OBSL1: variants seen among roughly 807,000 people sequenced by gnomAD.
The protein encoded by OBSL1 is obscurin like cytoskeletal adaptor 1.
A neutral mutation model predicts 172.0 loss-of-function variants in OBSL1; 160 were observed. That is an observed-to-expected ratio of 0.93 (90% CI 0.82 to 1.06). The LOEUF (loss-of-function observed/expected upper bound fraction) is 1.06. Ranked by LOEUF, OBSL1 falls within the 50% of genes least tolerant of loss-of-function variation. OBSL1 has a pLI of 0.00. For missense variants in OBSL1, 2,681 were observed against 2,715.4 expected, an observed-to-expected ratio of 0.99 and a Z score of 0.28; for synonymous variants, 1,200 against 1,196.3, an observed-to-expected ratio of 1.00 and a Z score of -0.06.
At position 219,566,859 on chromosome 2, in the gene OBSL1, A is replaced by G. The variant is rs1696930182; in HGVS notation, c.2105T>C (p.Val702Ala). 6.3e-7 allele frequency: 1 copy of G among 1,596,112 alleles called. No individual in the cohort carries two copies. The highest frequency in any genetic ancestry group is 1.3e-5 in the African/African-American group (1 of 74,570). ...GALVGFSCPGVQDSAALTIQE... is the reference protein window; with the variant it reads ...GALVGFSCPGAQDSAALTIQE... ...GATTGTGAGGGCAGCTGAGTCCTGCACGCCGGGGCAGCTGAAGCCGACCAG... is the reference window on the plus strand; with the variant it reads ...GATTGTGAGGGCAGCTGAGTCCTGCGCGCCGGGGCAGCTGAAGCCGACCAG... Residue 702 changes from valine to alanine, a missense_variant, in exon 5 of 21, where the codon GTG becomes GCG. Val to Ala is a moderately conservative substitution (Grantham distance 64). Around this residue, in one of 5 missense-constraint regions of OBSL1, gnomAD observed 1,765 missense variants for 1,748.3 expected, o/e 1.01. Transcript: ENST00000404537.
At position 219,560,752 on chromosome 2, in the gene OBSL1, A is replaced by C. The variant is rs534964581; in HGVS notation, c.2954-1255T>G. 2.6e-5 allele frequency among the ~76,000 whole-genome samples: 4 copies of C among 152,290 alleles called. No homozygotes were observed. In the South Asian group the frequency reaches 8.3e-4, roughly 32 times the overall value. ...CTCCCCCATGGGCTTGCTTGCTCTA[A>C]GGGTCTGGGGGATGCAGGCTGGTCC... On this transcript the variant is annotated intron_variant, in intron 8 of 20. Coordinates refer to ENST00000404537, the MANE Select transcript of OBSL1 (RefSeq NM_015311.3).
intron 8 of OBSL1, chr2:219,561,708 A>G (rs1260799071): frequency 6.7e-5 from 41 of 615,118 alleles, no homozygotes; most frequent in Non-Finnish European, 1.2e-4. Flanking sequence ...AGTACTTATC[A>G]CCAGGTGTCA....
rs4674411 is a variant in OBSL1, at chr2:219,556,964, A to T, written c.4067-241T>A. On this transcript the variant is annotated intron_variant, in intron 12 of 20. Coordinates refer to ENST00000404537, the MANE Select transcript of OBSL1 (RefSeq NM_015311.3). The stretch of plus-strand genomic sequence containing the variant: ...CCTTGGTGGCACCCTAATAATATCA[A>T]TTACCAGGGACCCTATTTACAGCAT... 0.99 allele frequency: 518,196 copies of T among 521,780 alleles called. 257,400 individuals carry two copies. Among genetic ancestry groups the T allele is most frequent in the East Asian group, 1 (33,808 of 33,808 alleles). 32.3% of individuals were successfully genotyped at this position (521,780 alleles called of 1,614,324 possible).
Position 219,570,613 on chromosome 2 carries a change from T to C in OBSL1, c.620A>G (p.Tyr207Cys). 1.3e-6 allele frequency: 2 copies of C among 1,515,602 alleles called. No homozygotes were observed. Among genetic ancestry groups the C allele is most frequent in the South Asian group, 2.5e-5 (2 of 80,974 alleles). 93.9% of individuals were successfully genotyped at this position (1,515,602 alleles called of 1,614,324 possible). Residue 207 changes from tyrosine (Y) to cysteine (C), a missense_variant, in exon 1 of 21, where the codon TAC (tyrosine) becomes TGC (cysteine). Physicochemically the swap from Tyr to Cys is radical, Grantham distance 194. Coordinates refer to ENST00000404537, the MANE Select transcript of OBSL1 (RefSeq NM_015311.3). ...LAARLPDSGVYVCHARNAHGH... is the reference protein window; with the variant it reads ...LAARLPDSGVCVCHARNAHGH... Reference sequence around the variant, plus strand: ...GTGCGCGTTGCGGGCGTGGCACACGTAGACGCCGGAATCCGGCAGCCGAGC... The same window carrying C: ...GTGCGCGTTGCGGGCGTGGCACACGCAGACGCCGGAATCCGGCAGCCGAGC...
At position 219,550,869 on chromosome 2, in the gene OBSL1, C is replaced by T. The variant is rs752738988; in HGVS notation, c.5684-27G>A. Reference sequence around the variant, plus strand: ...TGCAGAGGAATGACTCCACATGGGGCTGGGGAGAGAAGGGGGTACCACCTT... The same window carrying T: ...TGCAGAGGAATGACTCCACATGGGGTTGGGGAGAGAAGGGGGTACCACCTT... On this transcript the variant is annotated intron_variant, in intron 20 of 20. Transcript: ENST00000404537. The T allele has an allele frequency of 5.7e-6, 9 of 1,577,842 alleles. No individual in the cohort carries two copies. In the Admixed American group the frequency reaches 1.6e-4, roughly 29 times the overall value.
intron 12 of OBSL1, 124 bp from the exon 13 acceptor site, chr2:219,556,847 T>G (rs956363463): frequency 1.9e-6 from 2 of 1,061,070 alleles, no homozygotes; most frequent in Non-Finnish European, 2.7e-6. Context: ...GGACCTACTA[T>G]GTATCGACCA....
Position 219,558,184 on chromosome 2 carries a change from C to A in OBSL1, c.3502G>T (p.Glu1168Ter), listed in dbSNP as rs758587168. The A allele has an allele frequency of 6.2e-7, 1 of 1,607,938 alleles. No individual in the cohort carries two copies. The highest frequency in any genetic ancestry group is 1.3e-5 in the African/African-American group (1 of 74,920). ...EAITFNVILA[E>*]PPVQFLALET... ...CCCTGGGTTGGCCAGGAGCACCCAC[C>A]AGCCAGGATGACATTGAAGGTGATG... is the stretch of plus-strand genomic sequence containing the variant. Residue 1168 changes from glutamate to a stop codon, truncating the protein, a stop_gained and splice_region_variant, in exon 10 of 21, where the codon GAG becomes TAG. Transcript: ENST00000404537. LOFTEE classifies it high-confidence loss of function.
downstream of OBSL1, chr2:219,547,337 C>A: frequency 1.9e-6 from 1 of 514,704 alleles, no homozygotes; most frequent in Non-Finnish European, 3.3e-6. Flanking sequence ...CCCCTGACCT[C>A]AATGGCCCCA....
At chr2:219,560,829 G>T (rs1460611171) in intron 8 of OBSL1, among the ~76,000 whole-genome samples, 4 of 152,236 alleles carry the variant, frequency 2.6e-5, no homozygotes, top group African/African-American at 7.2e-5. Flanking sequence ...CCTGAGGAGT[G>T]GGGAAGGTGA....
chr2:219,552,279 T>A (rs1318673571), intron 18 of OBSL1, 63 bp from the exon 19 acceptor site: 1 of 1,458,276 alleles, frequency 6.9e-7, no homozygotes, highest in East Asian at 2.5e-5. Context: ...GGGACGAAGG[T>A]GGGGGCCCAG....
chr2:219,564,660 C>T (rs1007917254), intron 6 of OBSL1, among the ~76,000 whole-genome samples: 3 of 152,216 alleles, frequency 2.0e-5, no homozygotes, highest in Admixed American at 2.0e-4. Flanking sequence ...GGCAAAGGCA[C>T]GCTGTGCGTG....
At chr2:219,563,081 A>G (rs1696614212) in intron 7 of OBSL1, 1 of 507,962 alleles carries the variant, frequency 2.0e-6, no homozygotes, top group Non-Finnish European at 3.5e-6. Flanking sequence ...CCTACCCTGC[A>G]ATAGACTCAC....
intron 9 of OBSL1, chr2:219,558,952 C>A: frequency 2.1e-6 from 1 of 483,194 alleles, no homozygotes; most frequent in Middle Eastern, 5.2e-4. Context: ...ACTGCTGTAT[C>A]CCCAGCATCT....
rs769521329 is a variant in OBSL1 at position 219,557,607 on chromosome 2, G to T, written c.3802C>A (p.Arg1268=). Residue 1268 remains arginine, a synonymous_variant, in exon 12 of 21, where the codon CGG becomes AGG. Transcript: ENST00000404537. ...FTVQVAEPPV[R]VVAPEAAQTR... ...TGGGCTGCCTCGGGAGCTACCACCC[G>T]CACAGGGGGCTCTGTGGAGTCAGAG... 1 of 1,539,844 alleles carries T rather than the reference G, an allele frequency of 6.5e-7. No individual in the cohort carries two copies. The highest frequency in any genetic ancestry group is 1.2e-5 in the South Asian group (1 of 83,238).
rs369418075 is a variant in OBSL1, at chr2:219,568,187, G to A, written c.1150C>T (p.Arg384Cys). 9 of 1,612,918 alleles carry A rather than the reference G, an allele frequency of 5.6e-6. No homozygotes were observed. Among genetic ancestry groups the A allele is most frequent in the African/African-American group, 5.3e-5 (4 of 75,054 alleles). The change falls in exon 2 of 21, where the codon CGC (arginine) becomes TGC (cysteine). Residue 384 changes from arginine (R) to cysteine (C), a missense_variant. Around this residue, in one of 5 missense-constraint regions of OBSL1, gnomAD observed 706 missense variants for 695.8 expected, o/e 1.01. Coordinates refer to ENST00000404537, the MANE Select transcript of OBSL1 (RefSeq NM_015311.3). The surrounding 1 kb of genome is among the most constrained non-coding windows in gnomAD (Gnocchi z 4.1). ...CCCTCTTCGATCTGCTCGTACTTGCGGCAGGGCAGCAGCCGCTGGTCCTCA... is the reference window on the plus strand; with the variant it reads ...CCCTCTTCGATCTGCTCGTACTTGCAGCAGGGCAGCAGCCGCTGGTCCTCA... ...FREDQRLLPC[R>C]KYEQIEEGTV...
chr2:219,549,711 C>G (rs1574509683), downstream of OBSL1: 13 of 1,613,446 alleles, frequency 8.1e-6, no homozygotes, highest in East Asian at 2.9e-4. Flanking sequence ...GTTTGCTCCC[C>G]CACAGAGCTA....
At position 219,570,378 on chromosome 2, in the gene OBSL1, C is replaced by T. The variant is rs570978023; in HGVS notation, c.855G>A (p.Pro285=). Reference sequence around the variant, plus strand: ...TGAGGCGGCGGCGGTCCGGGAGCAGCGGGCGGCCCTCCCAGTGCCATTCGA... The same window carrying T: ...TGAGGCGGCGGCGGTCCGGGAGCAGTGGGCGGCCCTCCCAGTGCCATTCGA... The part of the protein sequence containing the change: ...PEIEWHWEGR[P]LLPDRRRLMY... Residue 285 remains proline, a synonymous_variant, in exon 1 of 21, where the codon CCG becomes CCA. Transcript: ENST00000404537. The T allele has an allele frequency of 7.4e-6, 12 of 1,613,002 alleles. No homozygotes were observed. The highest frequency in any genetic ancestry group is 3.3e-4 in the Middle Eastern group (2 of 6,062).
downstream of OBSL1, chr2:219,547,379 C>A: frequency 2.7e-6 from 2 of 753,740 alleles, no homozygotes; most frequent in African/African-American, 1.8e-5. Flanking sequence ...CAGTGACCCT[C>A]AATTCTCTGA....
In OBSL1 at chr2:219,551,610, G is replaced by A. The variant is rs756587498; in HGVS notation, c.5602C>T (p.His1868Tyr). The part of the protein sequence containing the change: ...SHGPTHSLVI[H>Y]DVRPEDQGTY... Reference sequence around the variant, plus strand: ...CCTTGGTCCTCAGGTCGAACGTCATGGATGACCAGGCTGTGGGTGGGGCCG... The same window carrying A: ...CCTTGGTCCTCAGGTCGAACGTCATAGATGACCAGGCTGTGGGTGGGGCCG... Residue 1868 changes from histidine (H) to tyrosine (Y), a missense_variant, in exon 20 of 21, where the codon CAT (histidine) becomes TAT (tyrosine). His to Tyr is a moderately conservative substitution (Grantham distance 83, BLOSUM62 2). Transcript: ENST00000404537. The A allele has an allele frequency of 4.3e-6, 7 of 1,611,384 alleles. No individual in the cohort carries two copies. Among genetic ancestry groups the A allele is most frequent in the South Asian group, 3.3e-5 (3 of 90,444 alleles).
Sources: allele counts gnomAD v4.1 joint callset (sites outside exome capture counted in the v4.1 genomes callset), GRCh38; gene constraint gnomAD v4.1.1; regional missense constraint gnomAD v4.1.1; non-coding constraint Gnocchi (gnomAD v3.1); transcripts MANE v1.5; gene names NCBI Gene and HGNC (gene_info 2026-07-23, HGNC 2026-07-21).